Variants in ATP11A observed in about 807,000 individuals in gnomAD.
The protein encoded by ATP11A is phospholipid-transporting ATPase IH.
Under a neutral mutation model 154.4 loss-of-function variants are expected in ATP11A, and 81 were observed. The ratio of observed to expected loss-of-function variants is 0.52; its 90% confidence interval spans 0.44 to 0.63. The LOEUF (loss-of-function observed/expected upper bound fraction) is 0.63. Among genes scored for constraint, ATP11A ranks in the 30% least tolerant of loss-of-function variants. The pLI, the probability that ATP11A is intolerant of heterozygous loss-of-function variation, is 0.00. For synonymous variants in ATP11A, 623 were observed against 585.9 expected (o/e 1.06, Z -0.91); for missense variants, 1,316 against 1,474.3 (o/e 0.89, Z 1.76).
Position 112,859,513 on chromosome 13 carries a change from T to A in ATP11A, c.2727+61T>A. On this transcript the variant is annotated intron_variant, in intron 23 of 29. Transcript: ENST00000375645. This position sits in a 1 kb window ranked among gnomAD's most constrained non-coding sequence, Gnocchi z 4.3. ...GCCTTCTTTTCCTTCCCGCAGTGGG[T>A]GGCTGCTGTGGGGAGGGGAGACTTG... The A allele has an allele frequency of 7.2e-7, 1 of 1,395,214 alleles. No homozygotes were observed. The highest frequency in any genetic ancestry group is 1.0e-6 in the Non-Finnish European group (1 of 983,462). The allele number at this position is 1,395,214 out of a possible 1,614,324, so 86.4% of individuals were successfully genotyped here.
chr13:112,823,471 T>C (rs2078853613), intron 9 of ATP11A, 62 bp downstream of exon 9: 1 of 1,393,998 alleles, frequency 7.2e-7, no homozygotes, highest in East Asian at 2.3e-5. Context: ...AAGCAAAAGT[T>C]AAAACCCGCA....
At chr13:112,751,612 A>G (rs2076691631) in intron 1 of ATP11A, among the ~76,000 whole-genome samples, 2 of 152,110 alleles carry the variant, frequency 1.3e-5, no homozygotes, top group Admixed American at 1.3e-4. Context: ...GTGAGCCGAG[A>G]TCGCACCAGT....
chr13:112,757,866 C>T (rs2076877678), intron 1 of ATP11A, among the ~76,000 whole-genome samples: 1 of 152,182 alleles, frequency 6.6e-6, no homozygotes, highest in Non-Finnish European at 1.5e-5. Flanking sequence ...GGCAGAAAGG[C>T]GAGGTTCTGG....
At chr13:112,809,907 C>T (rs971303363) in intron 4 of ATP11A, among the ~76,000 whole-genome samples, 4 of 152,168 alleles carry the variant, frequency 2.6e-5, no homozygotes, top group Non-Finnish European at 4.4e-5. Context: ...CACGTGTCTG[C>T]GCCAGTGGAA....
chr13:112,836,336 A>C (rs925326195), intron 16 of ATP11A, 85 bp downstream of exon 16: 7 of 779,324 alleles, frequency 9.0e-6, no homozygotes, highest in African/African-American at 6.9e-5. Flanking sequence ...AGGAGCTTTA[A>C]GGATTTAGGG....
rs2140422042 is a variant in ATP11A at position 112,873,335 on chromosome 13, AGCGGTGTGAGG to A, written c.3058-237_3058-227del. 4 of 481,688 alleles carry A rather than the reference AGCGGTGTGAGG, an allele frequency of 8.3e-6. No homozygotes were observed. The African/African-American group carries it at 8.5e-5, about 10-fold the overall frequency. The allele number at this position is 481,688 out of a possible 1,614,324, so 29.8% of individuals were successfully genotyped here. ...TGTGAGGTGTGGCTTTGTCTTCCTGAGCGGTGTGAGGTGTGGCTTTGTCTTCCTGAGCGGTG... is the reference window on the plus strand; with the variant it reads ...TGTGAGGTGTGGCTTTGTCTTCCTGATGTGGCTTTGTCTTCCTGAGCGGTG... On this transcript the variant is annotated intron_variant, in intron 26 of 29. Coordinates refer to ENST00000375645, the MANE Select transcript of ATP11A (RefSeq NM_015205.3).
At chr13:112,843,691 G>A (rs757248488) in intron 17 of ATP11A, among the ~76,000 whole-genome samples, 2 of 152,150 alleles carry the variant, frequency 1.3e-5, no homozygotes, top group Non-Finnish European at 2.9e-5. Flanking sequence ...GCTGTCAGTC[G>A]CAACACTTGA....
chr13:112,701,624 A>T (rs2139496941), intron 1 of ATP11A, among the ~76,000 whole-genome samples: 1 of 151,670 alleles, frequency 6.6e-6, no homozygotes, highest in African/African-American at 2.4e-5. Flanking sequence ...CGAGGTCGGG[A>T]GATCGAGACC....
intron 25 of ATP11A, among the ~76,000 whole-genome samples, chr13:112,867,451 A>G (rs2080373460): frequency 6.6e-6 from 1 of 152,286 alleles, no homozygotes; most frequent in Non-Finnish European, 1.5e-5. Flanking sequence ...CACGGGCGCC[A>G]CTGTCCTAGG....
chr13:112,702,966 A>C (rs1462271415), intron 1 of ATP11A, among the ~76,000 whole-genome samples: 1 of 152,240 alleles, frequency 6.6e-6, no homozygotes, highest in Non-Finnish European at 1.5e-5. Context: ...ATTATGAAAA[A>C]CTGATACATT....
rs1243308676 is a variant in ATP11A at position 112,754,218 on chromosome 13, AG to A, written c.40-30915del. On this transcript the variant is annotated intron_variant, in intron 1 of 29. Coordinates refer to ENST00000375645, the MANE Select transcript of ATP11A (RefSeq NM_015205.3). The surrounding 1 kb of genome is among the most constrained non-coding windows in gnomAD (Gnocchi z 5.3). ...TTCGTTTTCTCGCAGAAGGCAGAGA[AG>A]GCCGTGGAATAACAGGGCCGGGTTC... Among the ~76,000 whole-genome samples, 1 of 152,214 alleles carries A rather than the reference AG, an allele frequency of 6.6e-6. No homozygotes were observed. The highest frequency in any genetic ancestry group is 2.4e-5 in the African/African-American group (1 of 41,458).
chr13:112,847,088 G>A (rs2079631168), intron 17 of ATP11A, among the ~76,000 whole-genome samples: 1 of 152,210 alleles, frequency 6.6e-6, no homozygotes, highest in Admixed American at 6.5e-5. Context: ...CCATAACTCA[G>A]GGAATTCACT....
At position 112,824,334 on chromosome 13, in the gene ATP11A, C is replaced by T. The variant is rs1431662709; in HGVS notation, c.791-10C>T. ...GCCCTGGTCATCACCCTTGCTCTTC[C>T]TCTCTGTAGGTGTGGCTATTTACAC... On this transcript the variant is annotated splice_polypyrimidine_tract_variant and intron_variant, in intron 9 of 29. Coordinates refer to ENST00000375645, the MANE Select transcript of ATP11A (RefSeq NM_015205.3). 4.3e-6 allele frequency: 7 copies of T among 1,611,358 alleles called. No homozygotes were observed. Among genetic ancestry groups the T allele is most frequent in the Non-Finnish European group, 5.9e-6 (7 of 1,177,580 alleles).
chr13:112,788,412 G>A (rs979121899), intron 2 of ATP11A, among the ~76,000 whole-genome samples: 3 of 148,644 alleles, frequency 2.0e-5, no homozygotes, highest in Non-Finnish European at 3.0e-5. Context: ...AGACCCTTGC[G>A]GAGACCTACT....
Position 112,753,235 on chromosome 13 carries a change from G to A in ATP11A, c.40-31900G>A, listed in dbSNP as rs183891027. Reference sequence around the variant, plus strand: ...TTCCCCTGTGGACTCAACCTCCCCCGCCCCTGGCCGCCCCACATCATGGAC... The same window carrying A: ...TTCCCCTGTGGACTCAACCTCCCCCACCCCTGGCCGCCCCACATCATGGAC... On this transcript the variant is annotated intron_variant, in intron 1 of 29. Coordinates refer to ENST00000375645, the MANE Select transcript of ATP11A (RefSeq NM_015205.3). The surrounding 1 kb of genome is among the most constrained non-coding windows in gnomAD (Gnocchi z 4.1). Among the ~76,000 whole-genome samples the A allele has an allele frequency of 6.6e-6, 1 of 152,196 alleles. No homozygotes were observed. The highest frequency in any genetic ancestry group is 2.1e-4 in the South Asian group (1 of 4,812).
chr13:112,691,327 G>C (rs1885142066), intron 1 of ATP11A, among the ~76,000 whole-genome samples: 1 of 152,026 alleles, frequency 6.6e-6, no homozygotes, highest in African/African-American at 2.4e-5. Context: ...AGCCGGGCGT[G>C]GTGGTAGGCG....
chr13:112,711,920 C>A (rs282571), intron 1 of ATP11A, among the ~76,000 whole-genome samples: 1 of 152,128 alleles, frequency 6.6e-6, no homozygotes, highest in Non-Finnish European at 1.5e-5. Flanking sequence ...AGATAAGGAG[C>A]GGGTGGAGGG....
intron 12 of ATP11A, among the ~76,000 whole-genome samples, chr13:112,828,013 G>T (rs1391509230): frequency 1.3e-5 from 2 of 152,264 alleles, no homozygotes; most frequent in Non-Finnish European, 2.9e-5. Flanking sequence ...GGTACATTTT[G>T]TGAGCTTCTG....
intron 1 of ATP11A, among the ~76,000 whole-genome samples, chr13:112,735,709 A>G (rs1019905577): frequency 5.3e-5 from 8 of 152,182 alleles, no homozygotes; most frequent in African/African-American, 1.9e-4. Flanking sequence ...TGCATCCTCA[A>G]ATAGCTCCAG....
Sources: gnomAD v4.1 joint callset for allele counts (sites outside exome capture counted in the v4.1 genomes callset) on GRCh38, gnomAD v4.1.1 for gene constraint, Gnocchi (gnomAD v3.1) non-coding constraint, MANE v1.5 for transcripts, NCBI Gene and HGNC (gene_info 2026-07-23, HGNC 2026-07-21) for gene names.